The following MAPDA variants were observed in gnomAD, a reference collection of about 807,000 sequenced individuals.
The protein encoded by MAPDA is N6,N6-dimethyl-AMP deaminase.
At chr15:43,349,578 C>G in the MAPDA span, among the ~76,000 whole-genome samples, 5 of 152,060 alleles carry the variant, frequency 3.3e-5, no homozygotes, top group Non-Finnish European at 2.9e-5. Context: ...AACAAATATA[C>G]AAGAAAGTAT....
the MAPDA span, among the ~76,000 whole-genome samples, chr15:43,342,466 A>G: frequency 2.0e-5 from 3 of 150,008 alleles, no homozygotes; most frequent in African/African-American, 2.4e-5. Context: ...AAAAAAAAAA[A>G]GGACAAGTGT....
At chr15:43,335,959 A>G in the MAPDA span, 1 of 1,089,040 alleles carries the variant, frequency 9.2e-7, no homozygotes. Context: ...ATATATCTTA[A>G]CATACAACAT....
At chr15:43,350,372 C>T in the MAPDA span, among the ~76,000 whole-genome samples, 2 of 151,924 alleles carry the variant, frequency 1.3e-5, no homozygotes, top group Non-Finnish European at 2.9e-5. Flanking sequence ...GTCACCATGC[C>T]CGGCCAATAG....
the MAPDA span, chr15:43,349,292 T>G: frequency 3.3e-6 from 4 of 1,207,774 alleles, no homozygotes; most frequent in South Asian, 3.9e-5. Context: ...TGCTTGGAAC[T>G]CAATAAGAAT....
the MAPDA span, among the ~76,000 whole-genome samples, chr15:43,334,677 A>G: frequency 5.2e-5 from 7 of 134,362 alleles, no homozygotes; most frequent in African/African-American, 1.8e-4. Flanking sequence ...TATCCAAAGT[A>G]GGCCTTATAA....
chr15:43,352,071 C>CCATGTGTAAGGTGCTGGTGAT, the MAPDA span: 1 of 888,174 alleles, frequency 1.1e-6, no homozygotes, highest in Non-Finnish European at 1.7e-6. Context: ...CTATCACCAG[C>CCATGTGTAAGGTGCTGGTGAT]ACCTTACACA....
chr15:43,343,411 C>T, the MAPDA span, among the ~76,000 whole-genome samples: 3 of 152,318 alleles, frequency 2.0e-5, no homozygotes, highest in South Asian at 6.2e-4. Flanking sequence ...CTCCCTTACA[C>T]GTGGGCCTGC....
At chr15:43,350,993 G>C in the MAPDA span, 1 of 1,551,470 alleles carries the variant, frequency 6.4e-7, no homozygotes, top group Non-Finnish European at 8.7e-7. Flanking sequence ...CTTATGACCA[G>C]CACCATTTCG....
chr15:43,335,554 T>A, the MAPDA span: 1 of 954,590 alleles, frequency 1.0e-6, no homozygotes, highest in Non-Finnish European at 1.5e-6. Flanking sequence ...AAAGTAAATT[T>A]TGTAGGCAAA....
chr15:43,336,783 T>G, the MAPDA span: 1 of 959,920 alleles, frequency 1.0e-6, no homozygotes, highest in Non-Finnish European at 1.5e-6. Flanking sequence ...TCATTAAGAG[T>G]GATGAAAAAT....
At chr15:43,345,846 C>T in the MAPDA span, 5 of 1,614,046 alleles carry the variant, frequency 3.1e-6, no homozygotes, top group Non-Finnish European at 4.2e-6. Flanking sequence ...GTCTTTCTTA[C>T]ATTAAAGGTA....
the MAPDA span, among the ~76,000 whole-genome samples, chr15:43,344,680 G>T: frequency 6.6e-6 from 1 of 151,868 alleles, no homozygotes; most frequent in African/African-American, 2.4e-5. Flanking sequence ...GTGGTGGCAG[G>T]CACCTGTAAT....
At chr15:43,350,983 C>G in the MAPDA span, 2 of 1,551,690 alleles carry the variant, frequency 1.3e-6, no homozygotes, top group Non-Finnish European at 1.7e-6. Flanking sequence ...ACAGTTCCAT[C>G]TTATGACCAG....
the MAPDA span, among the ~76,000 whole-genome samples, chr15:43,331,469 G>T: frequency 6.6e-6 from 1 of 152,196 alleles, no homozygotes; most frequent in African/African-American, 2.4e-5. Context: ...TGACTGACTG[G>T]CTGAAATAGA....
the MAPDA span, chr15:43,352,510 A>G: frequency 6.6e-6 from 1 of 152,232 alleles, no homozygotes; most frequent in Non-Finnish European, 1.5e-5. Flanking sequence ...CCTAGGCAAC[A>G]TGGAGAAACC....
chr15:43,346,796 G>A, the MAPDA span, among the ~76,000 whole-genome samples: 1 of 152,196 alleles, frequency 6.6e-6, no homozygotes, highest in African/African-American at 2.4e-5. Flanking sequence ...TCAGTTTACT[G>A]ATACTAGACA....
At chr15:43,345,944 T>C in the MAPDA span, 4 of 1,614,080 alleles carry the variant, frequency 2.5e-6, no homozygotes, top group Non-Finnish European at 3.4e-6. Flanking sequence ...CTACTGAGGG[T>C]ACAGTTCTTG....
chr15:43,346,065 T>A, the MAPDA span: 1 of 1,550,078 alleles, frequency 6.5e-7, no homozygotes, highest in Non-Finnish European at 8.8e-7. Flanking sequence ...TTGCATTGCA[T>A]TCTCCAGAGT....
At chr15:43,342,859 T>C in the MAPDA span, 16 of 585,342 alleles carry the variant, frequency 2.7e-5, no homozygotes, top group African/African-American at 2.9e-4. Flanking sequence ...ATAAGGGCCA[T>C]GTTTTCACTC....
Sources: gnomAD v4.1 joint callset for allele counts (sites outside exome capture counted in the v4.1 genomes callset) on GRCh38, gnomAD v4.1.1 for gene constraint, MANE v1.5 for transcripts, NCBI Gene and HGNC (gene_info 2026-07-23, HGNC 2026-07-21) for gene names.